The following EYS variants were observed in gnomAD, a reference collection of about 807,000 sequenced individuals.
EYS encodes the protein EGF-like photoreceptor maintenance factor, also known as protein eyes shut homolog.
Under a neutral mutation model 282.1 loss-of-function variants are expected in EYS, and 250 were observed. That is an observed-to-expected ratio of 0.89 (90% CI 0.80 to 0.98). The LOEUF (loss-of-function observed/expected upper bound fraction) is 0.98, where lower values mean the gene tolerates loss of function less well. EYS is among the 50% of genes least tolerant of loss of function. The pLI is 0.00. For missense variants in EYS, 4,016 were observed against 3,709.0 expected, an observed-to-expected ratio of 1.08 and a Z score of -2.15; for synonymous variants, 1,355 against 1,282.9, an observed-to-expected ratio of 1.06 and a Z score of -1.20.
intron 35 of EYS, among the ~76,000 whole-genome samples, chr6:63,866,087 G>A (rs2055294743): frequency 6.6e-6 from 1 of 152,132 alleles, no homozygotes; most frequent in Admixed American, 6.6e-5. Context: ...ATGCCCCTAA[G>A]ATGGTTATAA....
intron 11 of EYS, among the ~76,000 whole-genome samples, chr6:65,309,690 A>C (rs1403636969): frequency 1.3e-5 from 2 of 152,182 alleles, no homozygotes; most frequent in Non-Finnish European, 2.9e-5. Context: ...AATGTGTTTT[A>C]ATTTTAATGA....
chr6:64,894,162 G>C (rs1347769470), intron 18 of EYS, among the ~76,000 whole-genome samples: 1 of 151,996 alleles, frequency 6.6e-6, no homozygotes, highest in Admixed American at 6.6e-5. Context: ...TTATGATTAA[G>C]TTGCATTGCA....
intron 7 of EYS, among the ~76,000 whole-genome samples, chr6:65,393,956 A>G (rs1766162960): frequency 6.6e-6 from 1 of 152,144 alleles, no homozygotes; most frequent in African/African-American, 2.4e-5. Context: ...TCTATATCAC[A>G]ACATTTCTGA....
chr6:65,373,976 T>C (rs1037841863), intron 8 of EYS, among the ~76,000 whole-genome samples: 1 of 152,178 alleles, frequency 6.6e-6, no homozygotes, highest in Admixed American at 6.5e-5. Context: ...GATACAGAAA[T>C]ATAAACTGCG....
intron 2 of EYS, among the ~76,000 whole-genome samples, chr6:65,558,654 C>A (rs1768912804): frequency 1.3e-5 from 2 of 152,172 alleles, no homozygotes; most frequent in Admixed American, 1.3e-4. Flanking sequence ...AGATGAACAA[C>A]AAGAATACAG....
intron 22 of EYS, among the ~76,000 whole-genome samples, chr6:64,633,013 C>T (rs969620191): frequency 6.6e-6 from 1 of 151,994 alleles, no homozygotes; most frequent in Non-Finnish European, 1.5e-5. Flanking sequence ...AAGCATAATC[C>T]AAACTGAATT....
intron 31 of EYS, among the ~76,000 whole-genome samples, chr6:64,210,016 C>A (rs1484620620): frequency 6.6e-6 from 1 of 152,088 alleles, no homozygotes; most frequent in Non-Finnish European, 1.5e-5. Flanking sequence ...CTTTATTTGT[C>A]CTTTTCCGCA....
chr6:65,036,360 C>T (rs886639874), intron 13 of EYS, among the ~76,000 whole-genome samples: 1 of 151,744 alleles, frequency 6.6e-6, no homozygotes, highest in East Asian at 1.9e-4. Flanking sequence ...AAATGTATCA[C>T]CTAAAACTAT....
At chr6:64,933,460 C>G (rs1366313659) in intron 15 of EYS, among the ~76,000 whole-genome samples, 2 of 151,984 alleles carry the variant, frequency 1.3e-5, no homozygotes, top group Non-Finnish European at 2.9e-5. Flanking sequence ...GTTAGAATGG[C>G]AATCATTAAA....
chr6:64,759,863 A>C (rs1773101460), intron 22 of EYS, among the ~76,000 whole-genome samples: 1 of 152,220 alleles, frequency 6.6e-6, no homozygotes, highest in African/African-American at 2.4e-5. Flanking sequence ...ATTACTGCTT[A>C]TTACTACCAT....
rs140918306 is a variant in EYS at position 64,201,128 on chromosome 6, A to G, written c.6424+29464T>C. The stretch of plus-strand genomic sequence containing the variant: ...GTATAGGTTTTGCCAGATGAAGGAG[A>G]GTTGACATATTAATAGATAACTTCA... On this transcript the variant is annotated intron_variant, in intron 31 of 42. Coordinates refer to ENST00000503581, the MANE Select transcript of EYS (RefSeq NM_001142800.2). Among the ~76,000 whole-genome samples the G allele has an allele frequency of 3.4e-3, 511 of 152,210 alleles. 2 individuals carry two copies. Among genetic ancestry groups the G allele is most frequent in the Non-Finnish European group, 5.9e-3 (402 of 67,996 alleles).
intron 35 of EYS, among the ~76,000 whole-genome samples, chr6:63,918,671 G>T (rs1391947313): frequency 1.3e-5 from 2 of 152,084 alleles, no homozygotes; most frequent in Non-Finnish European, 2.9e-5. Context: ...GGCAGCAAGG[G>T]TATTCAAAGC....
intron 24 of EYS, among the ~76,000 whole-genome samples, chr6:64,608,306 G>A (rs1228404214): frequency 6.6e-6 from 1 of 152,080 alleles, no homozygotes; most frequent in Non-Finnish European, 1.5e-5. Context: ...TATTGAAGAG[G>A]AGAAAAGCAG....
chr6:65,194,732 A>G (rs558439078), intron 12 of EYS, among the ~76,000 whole-genome samples: 66 of 151,938 alleles, frequency 4.3e-4, no homozygotes, highest in Admixed American at 7.2e-4. Context: ...TCCCGACCCT[A>G]GAGAAAAGAT....
intron 5 of EYS, among the ~76,000 whole-genome samples, chr6:65,462,046 T>C (rs892113290): frequency 6.6e-6 from 1 of 152,032 alleles, no homozygotes; most frequent in Non-Finnish European, 1.5e-5. Flanking sequence ...TGGAAATAAC[T>C]CAAATGTCTT....
intron 11 of EYS, among the ~76,000 whole-genome samples, chr6:65,297,804 GA>G (rs537524712): frequency 6.6e-6 from 1 of 150,516 alleles, no homozygotes; most frequent in Non-Finnish European, 1.5e-5. Flanking sequence ...TACAGAAAAA[GA>G]AAAAAAAACC....
At chr6:64,865,391 T>C (rs1047900783) in intron 19 of EYS, among the ~76,000 whole-genome samples, 1 of 152,128 alleles carries the variant, frequency 6.6e-6, no homozygotes, top group African/African-American at 2.4e-5. Flanking sequence ...TGAGCTGATG[T>C]CTAAAGAAGC....
At chr6:64,894,602 C>T (rs1049997858) in intron 18 of EYS, among the ~76,000 whole-genome samples, 1 of 152,102 alleles carries the variant, frequency 6.6e-6, no homozygotes, top group South Asian at 2.1e-4. Context: ...GACTCAGTCA[C>T]TCGAAGGTCA....
chr6:63,964,085 GT>G (rs562992892), intron 35 of EYS, among the ~76,000 whole-genome samples: 8 of 151,520 alleles, frequency 5.3e-5, no homozygotes, highest in Non-Finnish European at 8.9e-5. Flanking sequence ...AACAGTAACA[GT>G]TTTTTTTTCC....
Sources: gnomAD v4.1 joint callset for allele counts (sites outside exome capture counted in the v4.1 genomes callset) on GRCh38, gnomAD v4.1.1 for gene constraint, MANE v1.5 for transcripts, NCBI Gene and HGNC (gene_info 2026-07-23, HGNC 2026-07-21) for gene names.